The following RBM6 variants were observed in gnomAD, a reference collection of about 807,000 sequenced individuals.
RBM6 encodes the protein RNA binding motif protein 6.
A neutral mutation model predicts 140.4 loss-of-function variants in RBM6; 23 were observed. The observed-to-expected ratio is 0.16, with a 90% confidence interval of 0.12 to 0.23. The LOEUF is 0.23. Among genes scored for constraint, RBM6 ranks in the 10% least tolerant of loss-of-function variants. RBM6 has a pLI of 1.00. For synonymous variants in RBM6, 439 were observed against 475.6 expected (o/e 0.92, Z 1.00); for missense variants, 1,139 against 1,386.7 (o/e 0.82, Z 2.84).
At position 49,944,543 on chromosome 3, in the gene RBM6, T is replaced by G. The variant is rs6800976; in HGVS notation, c.-67+4318T>G. On this transcript the variant is annotated intron_variant, in intron 1 of 20. Transcript: ENST00000266022. ...CAGGCTGGAGTGCAGTGGCGCGACC[T>G]TGGCTCACTGCAACCTCTGCCTCCT... Among the ~76,000 whole-genome samples the G allele has an allele frequency of 2.8e-3, 418 of 150,592 alleles. 1 individual carries two copies. The highest frequency in any genetic ancestry group is 9.7e-3 in the African/African-American group (395 of 40,764).
chr3:49,945,176 AT>A (rs34249907), intron 1 of RBM6, among the ~76,000 whole-genome samples: 215 of 122,118 alleles, frequency 1.8e-3, no homozygotes, highest in Middle Eastern at 0.01. Flanking sequence ...CGCCCGGCCA[AT>A]TTTTTTTTTT....
At chr3:49,960,798 G>T (rs1003851181) in intron 1 of RBM6, among the ~76,000 whole-genome samples, 3 of 151,892 alleles carry the variant, frequency 2.0e-5, no homozygotes, top group Admixed American at 6.6e-5. Flanking sequence ...CTACAGTGCT[G>T]TTTCCAAAAA....
intron 7 of RBM6, among the ~76,000 whole-genome samples, chr3:50,052,200 G>T (rs1000547710): frequency 2.6e-5 from 4 of 152,188 alleles, no homozygotes; most frequent in Non-Finnish European, 5.9e-5. Flanking sequence ...AAGTAGCTGG[G>T]ATTACAGGCG....
chr3:49,944,883 A>ATT (rs199673488), intron 1 of RBM6, among the ~76,000 whole-genome samples: 18 of 142,950 alleles, frequency 1.3e-4, no homozygotes, highest in Admixed American at 2.8e-4. Context: ...TTTTTTTTAA[A>ATT]TTTTTTTTTT....
At chr3:49,983,571 A>G (rs1306739975) in intron 5 of RBM6, among the ~76,000 whole-genome samples, 1 of 152,228 alleles carries the variant, frequency 6.6e-6, no homozygotes, top group Non-Finnish European at 1.5e-5. Context: ...CACATTTTGC[A>G]GTGTTTTTGG....
At chr3:50,072,585 A>G (rs2090340323) in intron 19 of RBM6, among the ~76,000 whole-genome samples, 1 of 152,122 alleles carries the variant, frequency 6.6e-6, no homozygotes, top group Admixed American at 6.5e-5. Flanking sequence ...TTTTTGTATC[A>G]TGGCCCAATA....
intron 5 of RBM6, among the ~76,000 whole-genome samples, chr3:49,988,936 G>A (rs1334805285): frequency 6.8e-6 from 1 of 147,700 alleles, no homozygotes; most frequent in Non-Finnish European, 1.5e-5. Flanking sequence ...GACAGAGTGA[G>A]ACTCCATCTC....
chr3:49,957,131 G>A (rs2084028406), intron 1 of RBM6, among the ~76,000 whole-genome samples: 1 of 152,012 alleles, frequency 6.6e-6, no homozygotes, highest in African/African-American at 2.4e-5. Flanking sequence ...GTGCAGACAT[G>A]TGCCACCTGC....
chr3:49,972,148 G>T lies in RBM6; in HGVS notation c.1413G>T (p.Glu471Asp). Residue 471 changes from glutamate to aspartate, a missense_variant and splice_region_variant, in exon 4 of 21, where the codon GAG becomes GAT. By Grantham distance (45) the Glu-to-Asp change is conservative (BLOSUM62 2). Around this residue, in one of 9 missense-constraint regions of RBM6, gnomAD observed 566 missense variants for 612.7 expected, o/e 0.92. Coordinates refer to ENST00000266022, the MANE Select transcript of RBM6 (RefSeq NM_005777.3). Reference protein sequence around the residue: ...SGVPEDATKEEILNAFRTPDG... With the variant: ...SGVPEDATKEDILNAFRTPDG... Reference sequence around the variant, plus strand: ...TACCTGAAGATGCCACAAAAGAAGAGGTAAGGCATGTCTTCTCTCCTGTTT... The same window carrying T: ...TACCTGAAGATGCCACAAAAGAAGATGTAAGGCATGTCTTCTCTCCTGTTT... The T allele has an allele frequency of 6.3e-7, 1 of 1,599,470 alleles. No individual in the cohort carries two copies. Among genetic ancestry groups the T allele is most frequent in the Non-Finnish European group, 8.6e-7 (1 of 1,168,234 alleles).
At chr3:50,038,675 CA>C (rs901937787) in intron 6 of RBM6, among the ~76,000 whole-genome samples, 3 of 151,894 alleles carry the variant, frequency 2.0e-5, no homozygotes, top group South Asian at 4.2e-4. Flanking sequence ...ACTAAAAATA[CA>C]AAAAAAATCA....
chr3:50,036,175 A>C (rs2088526569), intron 6 of RBM6, among the ~76,000 whole-genome samples: 1 of 151,994 alleles, frequency 6.6e-6, no homozygotes, highest in African/African-American at 2.4e-5. Context: ...GATTACAGGC[A>C]TGAGCCACTG....
intron 7 of RBM6, among the ~76,000 whole-genome samples, chr3:50,049,140 G>T (rs1351768350): frequency 1.3e-5 from 2 of 150,046 alleles, no homozygotes; most frequent in African/African-American, 4.9e-5. Context: ...ACAGAGTCTT[G>T]CTCTGTCGCC....
chr3:50,062,087 A>G lies in RBM6; in HGVS notation c.2565A>G (p.Lys855=). ...KEMSKRDGKE[K]KDRGVTRFQE... ...TGTCTAAAAGAGATGGCAAGGAGAAAAAAGACAGAGGAGTGACGAGGGTAA... is the reference window on the plus strand; with the variant it reads ...TGTCTAAAAGAGATGGCAAGGAGAAGAAAGACAGAGGAGTGACGAGGGTAA... Residue 855 remains lysine (K), a synonymous_variant, in exon 15 of 21, where the codon AAA becomes AAG. Transcript: ENST00000266022. 3.7e-6 allele frequency: 6 copies of G among 1,613,708 alleles called. No individual in the cohort carries two copies. Among genetic ancestry groups the G allele is most frequent in the Non-Finnish European group, 5.1e-6 (6 of 1,179,850 alleles).
Position 50,058,443 on chromosome 3 carries a change from G to T in RBM6, c.2011G>T (p.Val671Leu). ...TATCTATCGTTCCACACCACCTGAGGTGATAGTGGAAGTGCTGGAGCCCTA... is the reference window on the plus strand; with the variant it reads ...TATCTATCGTTCCACACCACCTGAGTTGATAGTGGAAGTGCTGGAGCCCTA... ...KRIYRSTPPE[V>L]IVEVLEPYVR... Residue 671 changes from valine to leucine, a missense_variant, in exon 10 of 21, where the codon GTG becomes TTG. By Grantham distance (32) the Val-to-Leu change is conservative. Around this residue, in one of 9 missense-constraint regions of RBM6, gnomAD observed 47 missense variants for 117.6 expected, o/e 0.40. Transcript: ENST00000266022. The T allele has an allele frequency of 1.2e-6, 2 of 1,609,858 alleles. No homozygotes were observed. Among genetic ancestry groups the T allele is most frequent in the Non-Finnish European group, 8.5e-7 (1 of 1,176,140 alleles).
intron 6 of RBM6, among the ~76,000 whole-genome samples, chr3:50,027,582 G>C (rs1575737125): frequency 6.6e-6 from 1 of 152,076 alleles, no homozygotes; most frequent in African/African-American, 2.4e-5. Flanking sequence ...TCATATAAAT[G>C]GAATCATATA....
chr3:49,954,388 C>T (rs1559519167), intron 1 of RBM6, among the ~76,000 whole-genome samples: 1 of 149,200 alleles, frequency 6.7e-6, no homozygotes, highest in Admixed American at 6.8e-5. Flanking sequence ...TGCAGTGAGC[C>T]GAGATTGCAC....
At chr3:49,963,955 C>T (rs2084397840) in intron 2 of RBM6, among the ~76,000 whole-genome samples, 1 of 152,076 alleles carries the variant, frequency 6.6e-6, no homozygotes, top group Non-Finnish European at 1.5e-5. Flanking sequence ...TGCTGGAGTG[C>T]AGGGGTATGA....
intron 18 of RBM6, among the ~76,000 whole-genome samples, chr3:50,069,168 G>C (rs529338633): frequency 6.6e-6 from 1 of 152,248 alleles, no homozygotes; most frequent in Non-Finnish European, 1.5e-5. Flanking sequence ...CACACAGTTA[G>C]GGTGAATTAC....
chr3:50,063,807 A>G (rs1319590329), intron 15 of RBM6, among the ~76,000 whole-genome samples: 1 of 151,322 alleles, frequency 6.6e-6, no homozygotes, highest in Non-Finnish European at 1.5e-5. Flanking sequence ...AGGCTGAGGC[A>G]GGAGAATCTC....
Sources: allele counts gnomAD v4.1 joint callset (sites outside exome capture counted in the v4.1 genomes callset), GRCh38; gene constraint gnomAD v4.1.1; regional missense constraint gnomAD v4.1.1; transcripts MANE v1.5; gene names NCBI Gene and HGNC (gene_info 2026-07-23, HGNC 2026-07-21).